TBC1D5: variants seen among roughly 807,000 people sequenced by gnomAD.
The protein encoded by TBC1D5 is TBC1 domain family member 5, also known as TBC1 domain family, member 5.
Under a neutral mutation model 100.3 loss-of-function variants are expected in TBC1D5, and 75 were observed. The observed-to-expected ratio is 0.75, with a 90% CI of 0.62 to 0.91. The LOEUF (loss-of-function observed/expected upper bound fraction) is 0.91, where lower values mean the gene tolerates loss of function less well. Among genes scored for constraint, TBC1D5 ranks in the 40% least tolerant of loss-of-function variants. The pLI, the probability that TBC1D5 is intolerant of heterozygous loss-of-function variation, is 0.00. For synonymous variants in TBC1D5, 323 were observed against 325.6 expected (o/e 0.99, Z 0.09); for missense variants, 910 against 942.4 (o/e 0.97, Z 0.45).
At chr3:17,323,328 A>T (rs1384976830) in intron 13 of TBC1D5, among the ~76,000 whole-genome samples, 1 of 152,236 alleles carries the variant, frequency 6.6e-6, no homozygotes, top group Non-Finnish European at 1.5e-5. Flanking sequence ...GTAGACACAT[A>T]TTCACCATGA....
chr3:17,406,357 G>A, intron 5 of TBC1D5, 61 bp downstream of exon 5: 2 of 1,425,806 alleles, frequency 1.4e-6, no homozygotes, highest in Non-Finnish European at 1.9e-6. Flanking sequence ...ATCTTCCAGG[G>A]CATCAGGTAA....
chr3:17,352,442 A>G (rs148032794), intron 13 of TBC1D5, among the ~76,000 whole-genome samples: 4,178 of 152,128 alleles, frequency 0.027, 79 homozygotes, highest in Middle Eastern at 0.048. Flanking sequence ...AAATAAAAGA[A>G]GAGAAATAAA....
At chr3:17,491,389 G>A (rs114063604) in intron 3 of TBC1D5, among the ~76,000 whole-genome samples, 2,867 of 152,184 alleles carry the variant, frequency 0.019, 76 homozygotes, top group African/African-American at 0.064. Context: ...ATCTTGTGCC[G>A]GTTTTCAAAG....
intron 3 of TBC1D5, among the ~76,000 whole-genome samples, chr3:17,471,725 A>C (rs1207587582): frequency 2.0e-5 from 3 of 151,926 alleles, no homozygotes; most frequent in Non-Finnish European, 4.4e-5. Context: ...TATCCAGTAC[A>C]TGTACACACA....
chr3:17,285,325 A>G (rs2081068022), intron 15 of TBC1D5, among the ~76,000 whole-genome samples: 1 of 129,252 alleles, frequency 7.7e-6, no homozygotes, highest in Admixed American at 9.9e-5. Context: ...CAGTGGCGCG[A>G]TCTCGGCTCA....
At chr3:17,663,445 G>GTA (rs1647037252) in intron 1 of TBC1D5, among the ~76,000 whole-genome samples, 2 of 151,924 alleles carry the variant, frequency 1.3e-5, no homozygotes, top group African/African-American at 4.8e-5. Context: ...CAGGTAAATG[G>GTA]TATTAAGAAG....
At position 17,271,153 on chromosome 3, in the gene TBC1D5, G is replaced by A. The variant is rs75741400; in HGVS notation, c.1246-12562C>T. Among the ~76,000 whole-genome samples the A allele has an allele frequency of 5.8e-3, 886 of 152,216 alleles. 5 individuals are homozygous for A. The highest frequency in any genetic ancestry group is 0.044 in the Middle Eastern group (13 of 294). On this transcript the variant is annotated intron_variant, in intron 15 of 21. Coordinates refer to ENST00000253692, the Ensembl canonical transcript of TBC1D5. ...ATAGTTTTTTCTAACTCTGAAAAATGGAATTGGGAATTTGATAGAAATAGC... is the reference window on the plus strand; with the variant it reads ...ATAGTTTTTTCTAACTCTGAAAAATAGAATTGGGAATTTGATAGAAATAGC...
intron 1 of TBC1D5, among the ~76,000 whole-genome samples, chr3:17,644,774 T>C (rs575754527): frequency 3.3e-5 from 5 of 152,242 alleles, no homozygotes; most frequent in African/African-American, 1.2e-4. Flanking sequence ...TCATAATGGA[T>C]ATTTGGGAGA....
intron 2 of TBC1D5, among the ~76,000 whole-genome samples, chr3:17,595,090 C>A (rs568642944): frequency 2.6e-5 from 4 of 152,290 alleles, no homozygotes; most frequent in East Asian, 1.9e-4. Context: ...ATCTTTCTCT[C>A]GTGCTAGATG....
chr3:17,521,898 G>A (rs916574088), intron 2 of TBC1D5, among the ~76,000 whole-genome samples: 2 of 151,984 alleles, frequency 1.3e-5, no homozygotes, highest in African/African-American at 2.4e-5. Flanking sequence ...ATATTAAAAT[G>A]GCCAATTTAA....
exon 1 of TBC1D5, chr3:17,739,569 G>GAT (rs2077231717): frequency 6.6e-6 from 1 of 152,246 alleles, no homozygotes; most frequent in Non-Finnish European, 1.5e-5. Flanking sequence ...AGAGGAAGTA[G>GAT]ATACTTTTAC....
chr3:17,247,545 C>T (rs1479023598), intron 16 of TBC1D5, among the ~76,000 whole-genome samples: 3 of 152,152 alleles, frequency 2.0e-5, no homozygotes, highest in Non-Finnish European at 4.4e-5. Flanking sequence ...ATGTTGATGG[C>T]TTGTGACTAA....
At chr3:17,623,426 A>G (rs1330300789) in intron 2 of TBC1D5, among the ~76,000 whole-genome samples, 2 of 152,254 alleles carry the variant, frequency 1.3e-5, no homozygotes, top group Non-Finnish European at 2.9e-5. Flanking sequence ...AACTTTCATT[A>G]ACACAGAAAC....
At chr3:17,161,289 AAAG>A (rs1337290170) in intron 21 of TBC1D5, 33 bp from the exon 23 acceptor site, 15 of 1,570,776 alleles carry the variant, frequency 9.5e-6, no homozygotes, top group Non-Finnish European at 1.2e-5. Context: ...CAGGTGGATG[AAAG>A]AAGAAACTGG....
intron 2 of TBC1D5, chr3:17,562,037 G>C (rs994429842): frequency 6.6e-6 from 1 of 152,116 alleles, no homozygotes; most frequent in Non-Finnish European, 1.5e-5. Flanking sequence ...CCAGCTACTT[G>C]GGAGGCCTAG....
At chr3:17,502,551 C>T (rs1266065302) in intron 3 of TBC1D5, among the ~76,000 whole-genome samples, 1 of 149,410 alleles carries the variant, frequency 6.7e-6, no homozygotes, top group Admixed American at 6.6e-5. Context: ...GAGGTAATCA[C>T]AATCATTGCC....
At chr3:17,433,486 C>T (rs60964146) in intron 3 of TBC1D5, among the ~76,000 whole-genome samples, 13,840 of 152,126 alleles carry the variant, frequency 0.091, 1,418 homozygotes, top group African/African-American at 0.25. Flanking sequence ...CCTTATAAAA[C>T]CATCAGATCT....
chr3:17,376,489 A>G, intron 10 of TBC1D5, 36 bp downstream of exon 10: 1 of 1,567,912 alleles, frequency 6.4e-7, no homozygotes, highest in Non-Finnish European at 8.6e-7. Context: ...TGGGGGCTAA[A>G]AAACAAATGG....
intron 1 of TBC1D5, among the ~76,000 whole-genome samples, chr3:17,628,180 C>A (rs956529502): frequency 1.3e-5 from 2 of 152,044 alleles, no homozygotes; most frequent in East Asian, 3.9e-4. Flanking sequence ...ACCAGCCTGG[C>A]CAACATGGCG....
Sources: gnomAD v4.1 joint callset for allele counts (sites outside exome capture counted in the v4.1 genomes callset) on GRCh38, gnomAD v4.1.1 for gene constraint, MANE v1.5 for transcripts, NCBI Gene and HGNC (gene_info 2026-07-23, HGNC 2026-07-21) for gene names.